Variants in RAB2B observed in about 807,000 individuals in gnomAD.
RAB2B encodes RAB2B, member RAS oncogene family.
RAB2B carries 20 observed loss-of-function variants against 29.8 expected under a neutral mutation model. The observed-to-expected ratio is 0.67, with a 90% CI of 0.47 to 0.97. The LOEUF (loss-of-function observed/expected upper bound fraction) is 0.97, where lower values mean the gene tolerates loss of function less well. Ranked by LOEUF, RAB2B falls within the 50% of genes least tolerant of loss-of-function variation. The pLI is 0.00. For missense variants in RAB2B, 218 were observed against 272.0 expected, an observed-to-expected ratio of 0.80 and a Z score of 1.40; for synonymous variants, 93 against 91.7, an observed-to-expected ratio of 1.01 and a Z score of -0.08.
intron 2 of RAB2B, 63 bp downstream of exon 2, chr14:21,476,465 C>T (rs1890969576): frequency 6.3e-7 from 1 of 1,593,692 alleles, no homozygotes; most frequent in Non-Finnish European, 8.6e-7. Context: ...TGCTAACTTT[C>T]CACTTTAGCA....
rs878871103 is a variant in RAB2B at position 21,460,580 on chromosome 14, T to TCC, written c.*614_*615dup. The TCC allele has an allele frequency of 2.0e-4, 3 of 15,008 alleles. No individual in the cohort carries two copies. The highest frequency in any genetic ancestry group is 3.9e-4 in the African/African-American group (3 of 7,652). The allele number at this position is 15,008 out of a possible 1,614,324, so 0.9% of individuals were successfully genotyped here. A position where few individuals can be genotyped will look rare whatever the true frequency, so the allele number is the denominator to read the frequency against. ...AGCCTGGAGACAGAGTGAGACTCCA[T>TCC]CCCCCCAAAAAAAAAAAAAAAAAAA... On this transcript the variant is annotated 3_prime_UTR_variant, in exon 8 of 8. Coordinates refer to ENST00000397762, the MANE Select transcript of RAB2B (RefSeq NM_032846.4).
rs769168658 is a variant in RAB2B, at chr14:21,460,167, T to A, written c.*1029A>T. 1 of 518,786 alleles carries A rather than the reference T, an allele frequency of 1.9e-6. No homozygotes were observed. Among genetic ancestry groups the A allele is most frequent in the African/African-American group, 1.9e-5 (1 of 51,932 alleles). The allele number at this position is 518,786 out of a possible 1,614,324, so 32.1% of individuals were successfully genotyped here. A position where few individuals can be genotyped will look rare whatever the true frequency, so the allele number is the denominator to read the frequency against. ...ACCCAAAGGCAAGGAAGAAAAAAAC[T>A]CAATGAAATTCCGAGGCAGAGGATC... On this transcript the variant is annotated 3_prime_UTR_variant, in exon 8 of 8. Transcript: ENST00000397762.
Position 21,468,685 on chromosome 14 carries a change from A to G in RAB2B, c.254T>C (p.Val85Ala). 2 of 1,577,320 alleles carry G rather than the reference A, an allele frequency of 1.3e-6. No homozygotes were observed. Among genetic ancestry groups the G allele is most frequent in the Non-Finnish European group, 1.7e-6 (2 of 1,164,412 alleles). The change falls in exon 4 of 8, where the codon GTG becomes GCG. Residue 85 changes from valine to alanine, a missense_variant. Physicochemically the swap from Val to Ala is moderately conservative, Grantham distance 64 (BLOSUM62 0). Transcript: ENST00000397762. Reference protein sequence around the residue: ...YYRGAAGALLVYDITRRETFN... With the variant: ...YYRGAAGALLAYDITRRETFN... Reference sequence around the variant, plus strand: ...TCTGGCTCACCTTGTAATGTCGTACACCAGCAGTGCTCCAGCTGCTCCCCT... The same window carrying G: ...TCTGGCTCACCTTGTAATGTCGTACGCCAGCAGTGCTCCAGCTGCTCCCCT...
At chr14:21,476,620 C>G in intron 1 of RAB2B, 21 bp from the exon 2 acceptor site, 2 of 1,613,700 alleles carry the variant, frequency 1.2e-6, no homozygotes, top group East Asian at 2.2e-5. Flanking sequence ...AAGCACACTC[C>G]CGGAATCACG....
At chr14:21,474,624 T>C (rs1890903372) in intron 3 of RAB2B, 1 of 448,924 alleles carries the variant, frequency 2.2e-6, no homozygotes, top group African/African-American at 2.0e-5. Flanking sequence ...TTCTATTCTA[T>C]AAATTTATAT....
chr14:21,470,698 T>C (rs1390879297), intron 3 of RAB2B, among the ~76,000 whole-genome samples: 1 of 152,198 alleles, frequency 6.6e-6, no homozygotes, highest in East Asian at 1.9e-4. Context: ...TTTTCTCCTC[T>C]TCTGCTATGG....
At chr14:21,468,774 A>G in intron 3 of RAB2B, 22 bp from the exon 4 acceptor site, 1 of 1,481,628 alleles carries the variant, frequency 6.7e-7, no homozygotes, top group Non-Finnish European at 9.0e-7. Flanking sequence ...ACATGGCAAC[A>G]AAAAATCCCA....
At chr14:21,468,273 T>C in intron 5 of RAB2B, 84 bp downstream of exon 5, 1 of 1,097,844 alleles carries the variant, frequency 9.1e-7, no homozygotes, top group Non-Finnish European at 1.4e-6. Context: ...AAGACCACTA[T>C]AAACTGAGAA....
At chr14:21,463,583 G>A (rs2139593957) in intron 6 of RAB2B, 73 bp downstream of exon 6, 2 of 1,088,784 alleles carry the variant, frequency 1.8e-6, no homozygotes, top group Middle Eastern at 2.0e-4. Flanking sequence ...TATAGGAGAA[G>A]AGAATTCTGA....
At chr14:21,461,893 A>G (rs1256556472) in intron 7 of RAB2B, among the ~76,000 whole-genome samples, 3 of 152,210 alleles carry the variant, frequency 2.0e-5, no homozygotes, top group Admixed American at 6.5e-5. Context: ...TTAAGGGACA[A>G]TGTTATACTT....
intron 5 of RAB2B, among the ~76,000 whole-genome samples, chr14:21,465,864 C>T (rs772004998): frequency 6.6e-5 from 10 of 152,082 alleles, no homozygotes; most frequent in Non-Finnish European, 1.5e-4. Flanking sequence ...TGTCAAGCTT[C>T]TTCCAAGTTC....
At chr14:21,471,740 A>G (rs1426756711) in intron 3 of RAB2B, among the ~76,000 whole-genome samples, 1 of 145,856 alleles carries the variant, frequency 6.9e-6, no homozygotes, top group Non-Finnish European at 1.5e-5. Flanking sequence ...CAGTGGCATG[A>G]TCTTGGCTCA....
In RAB2B at chr14:21,459,707, G is replaced by A. The variant is rs1274043072; in HGVS notation, c.*1489C>T. On this transcript the variant is annotated 3_prime_UTR_variant, in exon 8 of 8. Coordinates refer to ENST00000397762, the MANE Select transcript of RAB2B (RefSeq NM_032846.4). ...ACTAAGGAATATTGTGTTAATAACTGCTTAGCAGTACCTAAGTCTGTTACT... is the reference window on the plus strand; with the variant it reads ...ACTAAGGAATATTGTGTTAATAACTACTTAGCAGTACCTAAGTCTGTTACT... 1 of 154,770 alleles carries A rather than the reference G, an allele frequency of 6.5e-6. No homozygotes were observed. Among genetic ancestry groups the A allele is most frequent in the Non-Finnish European group, 1.4e-5 (1 of 69,432 alleles). The allele number at this position is 154,770 out of a possible 1,614,324, so 9.6% of individuals were successfully genotyped here.
At chr14:21,462,199 A>T (rs897250008) in intron 7 of RAB2B, 151 bp downstream of exon 7, 2 of 552,774 alleles carry the variant, frequency 3.6e-6, no homozygotes, top group South Asian at 3.7e-5. Context: ...GTGTACCTAG[A>T]TTTAAAAAAA....
rs1321464656 is a variant in RAB2B at position 21,463,759 on chromosome 14, T to G, written c.371A>C (p.Glu124Ala). ...TTCTCTCTTCACATCCCTGCGGGACTCTAGGTCACTGCAAGAGATTAATTA... is the reference window on the plus strand; with the variant it reads ...TTCTCTCTTCACATCCCTGCGGGACGCTAGGTCACTGCAAGAGATTAATTA... Reference protein sequence around the residue: ...IMLIGNKSDLESRRDVKREEG... With the variant: ...IMLIGNKSDLASRRDVKREEG... The change falls in exon 6 of 8, where the codon GAG (glutamate) becomes GCG (alanine). Residue 124 changes from glutamate (E) to alanine (A), a missense_variant. Physicochemically the swap from Glu to Ala is moderately radical, Grantham distance 107. Coordinates refer to ENST00000397762, the MANE Select transcript of RAB2B (RefSeq NM_032846.4). 1 of 1,598,218 alleles carries G rather than the reference T, an allele frequency of 6.3e-7. No individual in the cohort carries two copies. The highest frequency in any genetic ancestry group is 8.6e-7 in the Non-Finnish European group (1 of 1,166,716).
chr14:21,469,983 G>A (rs932332190), intron 3 of RAB2B, among the ~76,000 whole-genome samples: 6 of 138,526 alleles, frequency 4.3e-5, no homozygotes, highest in African/African-American at 1.4e-4. Context: ...AGGGAGTCTC[G>A]CTCTGTTGCC....
intron 3 of RAB2B, among the ~76,000 whole-genome samples, chr14:21,471,451 T>TA (rs1370382802): frequency 1.3e-5 from 2 of 151,038 alleles, no homozygotes; most frequent in Non-Finnish European, 1.5e-5. Context: ...ACCACGCCTC[T>TA]AAAAAAAATA....
chr14:21,468,618 C>G (rs1017675681), intron 4 of RAB2B, 52 bp downstream of exon 4: 6 of 1,308,436 alleles, frequency 4.6e-6, no homozygotes, highest in Non-Finnish European at 4.2e-6. Flanking sequence ...AAAAAAAAAG[C>G]TTTAGAGGAT....
chr14:21,461,274 C>T lies in RAB2B; in HGVS notation c.573G>A (p.Gln191=), dbSNP rs1453272778. Residue 191 remains glutamine (Q), a synonymous_variant, in exon 8 of 8, where the codon CAG becomes CAA. Coordinates refer to ENST00000397762, the MANE Select transcript of RAB2B (RefSeq NM_032846.4). ...TGGGTCCCACTGATGTTGAAATTGA[C>T]TGTTGGGGCCCAATCTTGATGCCAT... ...EANGIKIGPQ[Q]SISTSVGPSA... 2 of 1,613,630 alleles carry T rather than the reference C, an allele frequency of 1.2e-6. No individual in the cohort carries two copies. The highest frequency in any genetic ancestry group is 8.5e-7 in the Non-Finnish European group (1 of 1,179,746).
Sources: gnomAD v4.1 joint callset for allele counts (sites outside exome capture counted in the v4.1 genomes callset) on GRCh38, gnomAD v4.1.1 for gene constraint, MANE v1.5 for transcripts, NCBI Gene and HGNC (gene_info 2026-07-23, HGNC 2026-07-21) for gene names.